The following MIA2 variants were observed in gnomAD, a reference collection of about 807,000 sequenced individuals.
MIA2 encodes MIA SH3 domain ER export factor 2, also known as melanoma inhibitory activity protein 2.
Under a neutral mutation model 167.8 loss-of-function variants are expected in MIA2, and 127 were observed. That is an observed-to-expected ratio of 0.76 (90% CI 0.66 to 0.88). The LOEUF is 0.88. Among genes scored for constraint, MIA2 ranks in the 40% least tolerant of loss-of-function variants. MIA2 has a pLI of 0.00. For missense variants in MIA2, 1,690 were observed against 1,624.7 expected (o/e 1.04, Z -0.69); for synonymous variants, 552 against 541.9 (o/e 1.02, Z -0.26).
intron 18 of MIA2, among the ~76,000 whole-genome samples, chr14:39,313,113 A>G (rs1335664288): frequency 6.6e-6 from 1 of 152,040 alleles, no homozygotes; most frequent in South Asian, 2.1e-4. Context: ...TCTTGAAACT[A>G]TTAGTAGTTC....
intron 3 of MIA2, among the ~76,000 whole-genome samples, chr14:39,245,787 A>G (rs1566591642): frequency 6.6e-6 from 1 of 152,116 alleles, no homozygotes; most frequent in Non-Finnish European, 1.5e-5. Flanking sequence ...CTCATGTAGT[A>G]ATGGCATTAA....
intron 2 of MIA2, among the ~76,000 whole-genome samples, chr14:39,237,919 T>C (rs111271308): frequency 0.019 from 2,907 of 151,980 alleles, 104 homozygotes; most frequent in African/African-American, 0.067. Flanking sequence ...TTTGTATTTC[T>C]AGTAGAGATG....
intron 6 of MIA2, among the ~76,000 whole-genome samples, chr14:39,264,652 G>A (rs2055346171): frequency 6.6e-6 from 1 of 152,162 alleles, no homozygotes. Flanking sequence ...AATATGTTCT[G>A]AGAACAACTC....
chr14:39,270,382 A>G (rs977499864), intron 6 of MIA2, among the ~76,000 whole-genome samples: 2 of 151,052 alleles, frequency 1.3e-5, no homozygotes, highest in African/African-American at 2.4e-5. Context: ...TTGTATTTTT[A>G]GTAGAGACAG....
At chr14:39,305,052 A>G (rs1236399055) in intron 17 of MIA2, among the ~76,000 whole-genome samples, 1 of 152,210 alleles carries the variant, frequency 6.6e-6, no homozygotes, top group African/African-American at 2.4e-5. Flanking sequence ...TTATCTCTGA[A>G]TATGGGATTA....
At position 39,388,158 on chromosome 14, in the gene MIA2, T is replaced by C. The variant is rs2075296189; in HGVS notation, c.*1206T>C. On this transcript the variant is annotated 3_prime_UTR_variant, in exon 24 of 24. Coordinates refer to the MIA2 transcript ENST00000341502. This position sits in a 1 kb window ranked among gnomAD's most constrained non-coding sequence, Gnocchi z 4.1. ...CATTTATTGCCTTATGGAAAAACAA[T>C]TGTTTTCATCAGAAATTAGAATTTA... The C allele has an allele frequency of 6.6e-6, 1 of 152,322 alleles. No homozygotes were observed. The highest frequency in any genetic ancestry group is 2.1e-4 in the South Asian group (1 of 4,828). The allele number at this position is 152,322 out of a possible 1,614,324, so 9.4% of individuals were successfully genotyped here.
exon 24 of MIA2, chr14:39,387,948 C>T (rs1163241129): frequency 6.6e-6 from 1 of 152,114 alleles, no homozygotes; most frequent in African/African-American, 2.4e-5. Flanking sequence ...ATTTTTTAGA[C>T]ATAATGCTAT....
chr14:39,377,392 G>A (rs2075065336), intron 23 of MIA2, among the ~76,000 whole-genome samples: 1 of 152,020 alleles, frequency 6.6e-6, no homozygotes, highest in South Asian at 2.1e-4. Flanking sequence ...AGTTCACAGG[G>A]CTTTAAGAAA....
chr14:39,345,082 T>G (rs2072936514), intron 25 of MIA2, among the ~76,000 whole-genome samples: 1 of 152,114 alleles, frequency 6.6e-6, no homozygotes. Context: ...TTTCATTTAT[T>G]TATTTATTTA....
chr14:39,386,056 A>G (rs2075269079), intron 23 of MIA2: 1 of 1,222,132 alleles, frequency 8.2e-7, no homozygotes, highest in South Asian at 1.3e-5. Flanking sequence ...TCTTCTTGCA[A>G]AAAGGCCTAC....
chr14:39,259,698 GTTTTT>G (rs10556014), intron 6 of MIA2, among the ~76,000 whole-genome samples: 1 of 115,374 alleles, frequency 8.7e-6, no homozygotes, highest in African/African-American at 3.5e-5. Flanking sequence ...GCCTGGCTAG[GTTTTT>G]TTTTTTTTTT....
downstream of MIA2, among the ~76,000 whole-genome samples, chr14:39,355,790 T>G (rs2074507487): frequency 6.6e-6 from 1 of 152,220 alleles, no homozygotes; most frequent in Non-Finnish European, 1.5e-5. Context: ...CAAAGGCCTT[T>G]TCTGCATCTA....
downstream of MIA2, among the ~76,000 whole-genome samples, chr14:39,354,862 G>T (rs1039330852): frequency 2.0e-5 from 3 of 152,138 alleles, no homozygotes; most frequent in Non-Finnish European, 4.4e-5. Context: ...TCAAAGATGA[G>T]ATAGTTGTTG....
intron 24 of MIA2, among the ~76,000 whole-genome samples, chr14:39,321,568 G>A (rs1302103527): frequency 5.3e-5 from 8 of 151,814 alleles, no homozygotes; most frequent in East Asian, 1.9e-4. Context: ...CACCCTCCTC[G>A]GCCTCCCAAA....
At chr14:39,256,721 A>C (rs1054042766) in intron 6 of MIA2, among the ~76,000 whole-genome samples, 1 of 152,180 alleles carries the variant, frequency 6.6e-6, no homozygotes, top group Non-Finnish European at 1.5e-5. Context: ...TGCAAGTTCA[A>C]ATATAGAAAC....
At chr14:39,358,305 A>G (rs2074584096) in intron 23 of MIA2, among the ~76,000 whole-genome samples, 1 of 152,032 alleles carries the variant, frequency 6.6e-6, no homozygotes, top group African/African-American at 2.4e-5. Context: ...CATTCATTTA[A>G]TCTTCCATCA....
intron 21 of MIA2, 126 bp downstream of exon 21, chr14:39,315,844 C>T (rs943387158): frequency 4.6e-6 from 3 of 649,326 alleles, no homozygotes; most frequent in Admixed American, 6.1e-5. Context: ...TTTAATTTTA[C>T]AAGTAGTGAA....
At chr14:39,281,252 T>TGTTA (rs1339441075) in intron 9 of MIA2, among the ~76,000 whole-genome samples, 1 of 152,196 alleles carries the variant, frequency 6.6e-6, no homozygotes, top group Non-Finnish European at 1.5e-5. Flanking sequence ...CACTCTTGAT[T>TGTTA]GTTACTTTTC....
intron 1 of MIA2, among the ~76,000 whole-genome samples, chr14:39,234,908 A>G (rs2053661033): frequency 6.6e-6 from 1 of 152,086 alleles, no homozygotes; most frequent in Non-Finnish European, 1.5e-5. Flanking sequence ...GGTGCAAAAT[A>G]AATTACATCC....
Sources: gnomAD v4.1 joint callset for allele counts (sites outside exome capture counted in the v4.1 genomes callset) on GRCh38, gnomAD v4.1.1 for gene constraint, Gnocchi (gnomAD v3.1) non-coding constraint, MANE v1.5 for transcripts, NCBI Gene and HGNC (gene_info 2026-07-23, HGNC 2026-07-21) for gene names.